Variants in HSPG2 observed in about 807,000 individuals in gnomAD.
HSPG2 encodes basement membrane-specific heparan sulfate proteoglycan core protein.
In HSPG2, 278 loss-of-function variants were observed where a neutral mutation model predicts 526.6. The ratio of observed to expected loss-of-function variants is 0.53; its 90% CI spans 0.48 to 0.58. The LOEUF is 0.58. Among genes scored for constraint, HSPG2 ranks in the 20% least tolerant of loss-of-function variants. The pLI is 0.00. For synonymous variants in HSPG2, 2,465 were observed against 2,555.4 expected, an observed-to-expected ratio of 0.96 and a Z score of 1.07; for missense variants, 5,354 against 6,099.5, an observed-to-expected ratio of 0.88 and a Z score of 4.07.
intron 1 of HSPG2, among the ~76,000 whole-genome samples, chr1:21,909,997 C>T (rs1643578778): frequency 6.6e-6 from 1 of 152,364 alleles, no homozygotes; most frequent in Admixed American, 6.5e-5. Context: ...CCACCCTTCC[C>T]ACAAAGCAGG....
At position 21,836,936 on chromosome 1, in the gene HSPG2, C is replaced by A. The variant is rs893812476; in HGVS notation, c.10221G>T (p.Gln3407His). The A allele has an allele frequency of 1.3e-6, 2 of 1,557,322 alleles. No homozygotes were observed. The highest frequency in any genetic ancestry group is 1.4e-5 in the African/African-American group (1 of 73,392). ...TGGCCCCAATGCTCTTGGTCTCTAG[C>A]TGAGGCGTGACCTGCACGGTGGGCG... The part of the protein sequence containing the change: ...GSTPTVQVTP[Q>H]LETKSIGASV... Residue 3407 changes from glutamine to histidine, a missense_variant, in exon 75 of 97, where the codon CAG becomes CAT. By Grantham distance (24) the Gln-to-His change is conservative. Transcript: ENST00000374695.
chr1:21,878,540 G>C, intron 19 of HSPG2, 37 bp downstream of exon 19: 1 of 1,613,920 alleles, frequency 6.2e-7, no homozygotes, highest in South Asian at 1.1e-5. Context: ...CCCCACCCAG[G>C]AGCCCCCTTC....
chr1:21,896,087 G>C, intron 2 of HSPG2, 88 bp downstream of exon 2: 1 of 1,605,452 alleles, frequency 6.2e-7, no homozygotes, highest in Non-Finnish European at 8.5e-7. Context: ...GCTCGGAATG[G>C]TCGGTCACCC....
In HSPG2 at chr1:21,881,080, G is replaced by A. The variant is rs150474156; in HGVS notation, c.1819-245C>T. Among the ~76,000 whole-genome samples, 629 of 152,312 alleles carry A rather than the reference G, an allele frequency of 4.1e-3. No individual in the cohort carries two copies. Among genetic ancestry groups the A allele is most frequent in the Non-Finnish European group, 6.7e-3 (459 of 68,016 alleles). ...ACAGGGTACCCAGGGAAGCCAGTGCGGAGGCACAGAACCCAGCCCAGGCAT... is the reference window on the plus strand; with the variant it reads ...ACAGGGTACCCAGGGAAGCCAGTGCAGAGGCACAGAACCCAGCCCAGGCAT... On this transcript the variant is annotated intron_variant, in intron 14 of 96. Coordinates refer to ENST00000374695, the MANE Select transcript of HSPG2 (RefSeq NM_005529.7).
intron 1 of HSPG2, among the ~76,000 whole-genome samples, chr1:21,901,964 C>A (rs1288392631): frequency 6.6e-6 from 1 of 152,164 alleles, no homozygotes; most frequent in Non-Finnish European, 1.5e-5. Flanking sequence ...CCCCCTCTGC[C>A]AGGATGCAGG....
intron 1 of HSPG2, among the ~76,000 whole-genome samples, chr1:21,932,020 T>C (rs2152805727): frequency 6.6e-6 from 1 of 152,226 alleles, no homozygotes; most frequent in Admixed American, 6.5e-5. Flanking sequence ...CCAGGAAATA[T>C]CTGATGAGAA....
intron 1 of HSPG2, among the ~76,000 whole-genome samples, chr1:21,928,171 G>A (rs954968345): frequency 3.3e-5 from 5 of 152,240 alleles, no homozygotes; most frequent in African/African-American, 1.2e-4. Context: ...AAGACTTGAA[G>A]GCAGGGCCTT....
intron 64 of HSPG2, among the ~76,000 whole-genome samples, chr1:21,845,546 T>G (rs1358161412): frequency 1.3e-5 from 2 of 151,910 alleles, no homozygotes; most frequent in Admixed American, 6.6e-5. Flanking sequence ...ACCCAGGTAA[T>G]TTTTTGTATT....
At chr1:21,881,802 G>A (rs561730409) in intron 13 of HSPG2, among the ~76,000 whole-genome samples, 1 of 151,956 alleles carries the variant, frequency 6.6e-6, no homozygotes, top group East Asian at 1.9e-4. Flanking sequence ...AACTAGACAG[G>A]CATGGTGGTG....
rs2097960452 is a variant in HSPG2 at position 21,824,003 on chromosome 1, T to G, written c.12899+118A>C. 1.9e-6 allele frequency: 2 copies of G among 1,058,924 alleles called. No homozygotes were observed. The highest frequency in any genetic ancestry group is 5.2e-5 in the East Asian group (2 of 38,634). 65.6% of individuals were successfully genotyped at this position (1,058,924 alleles called of 1,614,324 possible). ...CTGGCTGGTGGGTTCTCCCCTCCCC[T>G]GGCTTCAAGTTCTGTCTCCACAGAG... On this transcript the variant is annotated intron_variant, in intron 95 of 96. Coordinates refer to ENST00000374695, the MANE Select transcript of HSPG2 (RefSeq NM_005529.7). The surrounding 1 kb of genome is among the most constrained non-coding windows in gnomAD (Gnocchi z 5.9).
rs765888290 is a variant in HSPG2 at position 21,873,362 on chromosome 1, C to T, written c.3793+13G>A. ...GGTAACCCGACCCCAATGACCTCCCCAATCCTACTCACTCTGGCATGGCTG... is the reference window on the plus strand; with the variant it reads ...GGTAACCCGACCCCAATGACCTCCCTAATCCTACTCACTCTGGCATGGCTG... On this transcript the variant is annotated intron_variant, in intron 30 of 96. Coordinates refer to ENST00000374695, the MANE Select transcript of HSPG2 (RefSeq NM_005529.7). The T allele has an allele frequency of 3.8e-5, 61 of 1,614,084 alleles. No individual in the cohort carries two copies. The highest frequency in any genetic ancestry group is 1.6e-4 in the Middle Eastern group (1 of 6,084).
At position 21,834,902 on chromosome 1, in the gene HSPG2, G is replaced by C. The variant is rs758425905; in HGVS notation, c.10497C>G (p.Thr3499=). ...VLINIRTSVQ[T]VVVGHAVEFE... Reference sequence around the variant, plus strand: ...ACTCCACGGCGTGGCCAACCACCACGGTCTGCACAGAGGTCCGGATGTTGA... The same window carrying C: ...ACTCCACGGCGTGGCCAACCACCACCGTCTGCACAGAGGTCCGGATGTTGA... Residue 3499 remains threonine (T), a synonymous_variant, in exon 77 of 97, where the codon ACC becomes ACG. Transcript: ENST00000374695. The C allele has an allele frequency of 3.1e-6, 5 of 1,613,596 alleles. No individual in the cohort carries two copies. Among genetic ancestry groups the C allele is most frequent in the Non-Finnish European group, 4.2e-6 (5 of 1,179,802 alleles).
chr1:21,873,501 T>C (rs1306538208), intron 29 of HSPG2, 77 bp from the exon 30 acceptor site: 15 of 1,324,198 alleles, frequency 1.1e-5, no homozygotes, highest in Non-Finnish European at 1.6e-5. Context: ...GGGCCCCATA[T>C]TGAATTCAAT....
At chr1:21,844,985 C>T (rs1303913282) in intron 64 of HSPG2, among the ~76,000 whole-genome samples, 4 of 152,194 alleles carry the variant, frequency 2.6e-5, no homozygotes, top group Non-Finnish European at 4.4e-5. Context: ...CGGTGGCTCA[C>T]GCCTGTAATC....
intron 1 of HSPG2, among the ~76,000 whole-genome samples, chr1:21,926,257 G>A (rs1039538170): frequency 3.3e-5 from 5 of 152,158 alleles, no homozygotes; most frequent in Non-Finnish European, 7.3e-5. Flanking sequence ...CTCTAAAGAG[G>A]GTGGCAGTTT....
Position 21,833,478 on chromosome 1 carries a change from A to C in HSPG2, c.10967T>G (p.Leu3656Arg). The C allele has an allele frequency of 6.2e-7, 1 of 1,614,188 alleles. No individual in the cohort carries two copies. The highest frequency in any genetic ancestry group is 8.5e-7 in the Non-Finnish European group (1 of 1,180,016). ...GGGTGGTGTCTTACCTGGCACCTGC[A>C]GGTGGGCAAAGGCTTTGACCTTGCC... ...RQGKVKAFAH[L>R]QVPERVVPYF... is the part of the protein sequence containing the mutation. The change falls in exon 79 of 97, where the codon CTG (leucine) becomes CGG (arginine). Residue 3656 changes from leucine (L) to arginine (R), a missense_variant. Transcript: ENST00000374695.
chr1:21,865,608 G>A lies in HSPG2; in HGVS notation c.4314+109C>T. 2 of 1,026,344 alleles carry A rather than the reference G, an allele frequency of 1.9e-6. No homozygotes were observed. The highest frequency in any genetic ancestry group is 2.4e-5 in the East Asian group (1 of 42,276). 63.6% of individuals were successfully genotyped at this position (1,026,344 alleles called of 1,614,324 possible). On this transcript the variant is annotated intron_variant, in intron 34 of 96. Transcript: ENST00000374695. The surrounding 1 kb of genome is among the most constrained non-coding windows in gnomAD (Gnocchi z 5.4). ...GGCATGGGCCTAACTCCCCCAGCCT[G>A]TGCCAGAAAACTGAGTGCTGGATGG...
intron 21 of HSPG2, 41 bp downstream of exon 21, chr1:21,878,145 G>A (rs768575770): frequency 3.2e-6 from 5 of 1,582,356 alleles, no homozygotes. Flanking sequence ...CTGTGGTGCT[G>A]GGCCCAAGGC....
chr1:21,827,554 T>A (rs188724245), intron 91 of HSPG2, among the ~76,000 whole-genome samples: 1 of 152,326 alleles, frequency 6.6e-6, no homozygotes, highest in Admixed American at 6.5e-5. Context: ...GGAATGAGGG[T>A]CTTGCTTTAT....
Sources: gnomAD v4.1 joint callset for allele counts (sites outside exome capture counted in the v4.1 genomes callset) on GRCh38, gnomAD v4.1.1 for gene constraint, Gnocchi (gnomAD v3.1) non-coding constraint, MANE v1.5 for transcripts, NCBI Gene and HGNC (gene_info 2026-07-23, HGNC 2026-07-21) for gene names.